The following RHBDL2 variants were observed in gnomAD, a reference collection of about 807,000 sequenced individuals.
RHBDL2 encodes rhomboid like 2, also known as rhomboid-related protein 2.
RHBDL2 carries 26 observed loss-of-function variants against 31.7 expected under a neutral mutation model. The ratio of observed to expected loss-of-function variants is 0.82; its 90% CI spans 0.60 to 1.14. RHBDL2 has a LOEUF of 1.14. RHBDL2 is among the 50% of genes most tolerant of loss of function. RHBDL2 has a pLI of 0.00. For synonymous variants in RHBDL2, 123 were observed against 127.2 expected, an observed-to-expected ratio of 0.97 and a Z score of 0.22; for missense variants, 336 against 364.4, an observed-to-expected ratio of 0.92 and a Z score of 0.63.
chr1:38,901,240 A>T (rs1202048376), intron 4 of RHBDL2, among the ~76,000 whole-genome samples: 1 of 152,006 alleles, frequency 6.6e-6, no homozygotes, highest in East Asian at 1.9e-4. Context: ...AGGCAGGCAG[A>T]TCTCCTGAGG....
At chr1:38,925,295 C>T (rs978814572) in intron 1 of RHBDL2, among the ~76,000 whole-genome samples, 3 of 151,800 alleles carry the variant, frequency 2.0e-5, no homozygotes, top group African/African-American at 7.3e-5. Flanking sequence ...GTCAGGCGTT[C>T]GAGACCAGCC....
chr1:38,939,236 G>T (rs1643538657), intron 1 of RHBDL2, among the ~76,000 whole-genome samples: 2 of 152,056 alleles, frequency 1.3e-5, no homozygotes, highest in African/African-American at 4.8e-5. Flanking sequence ...ATGCCCTTTT[G>T]GTCTTTCTTT....
chr1:38,924,663 G>C (rs1459894347), intron 1 of RHBDL2, among the ~76,000 whole-genome samples: 1 of 151,568 alleles, frequency 6.6e-6, no homozygotes. Flanking sequence ...AGCATTACTT[G>C]TTAACAATCA....
At chr1:38,906,433 G>A (rs1324823656) in intron 4 of RHBDL2, among the ~76,000 whole-genome samples, 2 of 152,030 alleles carry the variant, frequency 1.3e-5, no homozygotes, top group Admixed American at 1.3e-4. Context: ...CCAGCACTTC[G>A]GGAGGCCAAG....
Position 38,896,047 on chromosome 1 carries a change from A to G in RHBDL2, c.531T>C (p.Phe177=), listed in dbSNP as rs770198871. The change falls in exon 5 of 8, where the codon TTT becomes TTC. Residue 177 remains phenylalanine, a synonymous_variant. Transcript: ENST00000372990. The part of the protein sequence containing the change: ...VIAGSLASSI[F]DPLRYLVGAS... ...CTCCCACAAGATATCTGAGTGGGTC[A>G]AAGATGGAGCTGGCAAGGGACCCTA... is the stretch of plus-strand genomic sequence containing the variant. The G allele has an allele frequency of 6.2e-7, 1 of 1,613,752 alleles. No homozygotes were observed. Among genetic ancestry groups the G allele is most frequent in the Non-Finnish European group, 8.5e-7 (1 of 1,179,678 alleles).
chr1:38,887,235 A>T (rs1343429291), intron 7 of RHBDL2, among the ~76,000 whole-genome samples: 1 of 152,056 alleles, frequency 6.6e-6, no homozygotes, highest in Non-Finnish European at 1.5e-5. Flanking sequence ...TGTTTTTTGA[A>T]ATGGGGTCTC....
intron 7 of RHBDL2, among the ~76,000 whole-genome samples, chr1:38,887,191 T>C (rs78002762): frequency 0.08 from 12,179 of 152,204 alleles, 513 homozygotes; most frequent in Middle Eastern, 0.17. Flanking sequence ...CAATCTTTCA[T>C]TGCTGTTTTC....
At chr1:38,925,987 A>G (rs2124347262) in intron 1 of RHBDL2, 1 of 1,271,698 alleles carries the variant, frequency 7.9e-7, no homozygotes, top group Non-Finnish European at 1.0e-6. Flanking sequence ...CAAATGTCAA[A>G]GACTTCCAGT....
intron 2 of RHBDL2, 87 bp downstream of exon 2, chr1:38,918,880 C>A: frequency 6.7e-7 from 1 of 1,501,486 alleles, no homozygotes; most frequent in South Asian, 1.3e-5. Flanking sequence ...TGTTCCCAGT[C>A]TCTTCTCTAG....
At chr1:38,925,907 A>G in intron 1 of RHBDL2, 1 of 1,223,604 alleles carries the variant, frequency 8.2e-7, no homozygotes, top group Non-Finnish European at 1.1e-6. Context: ...CAATCATTCA[A>G]CTCATATTCA....
At chr1:38,904,169 G>A (rs558563198) in intron 4 of RHBDL2, among the ~76,000 whole-genome samples, 58 of 152,202 alleles carry the variant, frequency 3.8e-4, no homozygotes, top group Non-Finnish European at 7.5e-4. Context: ...TTTTGTGTTA[G>A]GTAAAAATTA....
intron 4 of RHBDL2, among the ~76,000 whole-genome samples, chr1:38,909,997 T>C (rs1478324474): frequency 6.6e-6 from 1 of 152,172 alleles, no homozygotes; most frequent in Non-Finnish European, 1.5e-5. Context: ...ATATCCATTT[T>C]ATGGAATGAA....
chr1:38,910,867 C>A (rs1459999917), intron 4 of RHBDL2, among the ~76,000 whole-genome samples: 1 of 151,294 alleles, frequency 6.6e-6, no homozygotes, highest in African/African-American at 2.4e-5. Context: ...CAATCTCCGC[C>A]CCCTAGGTTC....
chr1:38,897,465 G>C (rs954390442), intron 4 of RHBDL2, among the ~76,000 whole-genome samples: 3 of 152,280 alleles, frequency 2.0e-5, no homozygotes, highest in South Asian at 2.1e-4. Context: ...TCAGTGCTTT[G>C]GGAGTCCCAG....
intron 1 of RHBDL2, among the ~76,000 whole-genome samples, chr1:38,936,195 G>A (rs989636143): frequency 2.0e-5 from 3 of 152,126 alleles, no homozygotes; most frequent in Non-Finnish European, 2.9e-5. Context: ...GAGCCACTGT[G>A]CCCAGCCTAA....
chr1:38,891,500 T>C (rs1223063293), intron 6 of RHBDL2, among the ~76,000 whole-genome samples: 1 of 152,190 alleles, frequency 6.6e-6, no homozygotes, highest in East Asian at 1.9e-4. Flanking sequence ...ACAACAATTC[T>C]GTGCCCAAAC....
At chr1:38,906,058 C>T (rs1351551532) in intron 4 of RHBDL2, among the ~76,000 whole-genome samples, 1 of 146,820 alleles carries the variant, frequency 6.8e-6, no homozygotes, top group Non-Finnish European at 1.5e-5. Flanking sequence ...CAGTGCAAGA[C>T]TCCAACTCAA....
chr1:38,912,565 G>T (rs1048719787), intron 3 of RHBDL2, among the ~76,000 whole-genome samples: 3 of 151,762 alleles, frequency 2.0e-5, no homozygotes, highest in Admixed American at 1.3e-4. Flanking sequence ...CACACACCCT[G>T]TGCAGATCTA....
In RHBDL2 at chr1:38,915,704, C is replaced by A. The variant is rs750945704; in HGVS notation, c.253G>T (p.Val85Leu). 3 of 1,614,016 alleles carry A rather than the reference C, an allele frequency of 1.9e-6. No homozygotes were observed. Among genetic ancestry groups the A allele is most frequent in the Non-Finnish European group, 2.5e-6 (3 of 1,180,030 alleles). The change falls in exon 3 of 8, where the codon GTG becomes TTG. Residue 85 changes from valine to leucine, a missense_variant. Val to Leu is a conservative substitution (Grantham distance 32). Coordinates refer to ENST00000372990, the MANE Select transcript of RHBDL2 (RefSeq NM_017821.5). The stretch of plus-strand genomic sequence containing the variant: ...TTCCACACAGCATAGTAAATAAACA[C>A]TGCCAGCTGATGGAGGGAGCAGACA... ...IISISLAELA[V>L]FIYYAVWKPQ...
Sources: gnomAD v4.1 joint callset for allele counts (sites outside exome capture counted in the v4.1 genomes callset) on GRCh38, gnomAD v4.1.1 for gene constraint, MANE v1.5 for transcripts, NCBI Gene and HGNC (gene_info 2026-07-23, HGNC 2026-07-21) for gene names.